The following MED23 variants were observed in gnomAD, a reference collection of about 807,000 sequenced individuals.
The protein encoded by MED23 is mediator complex subunit 23.
Under a neutral mutation model 163.9 loss-of-function variants are expected in MED23, and 105 were observed. The ratio of observed to expected loss-of-function variants is 0.64; its 90% CI spans 0.55 to 0.75. The LOEUF (loss-of-function observed/expected upper bound fraction) is 0.75. Among genes scored for constraint, MED23 ranks in the 30% least tolerant of loss-of-function variants. MED23 has a pLI of 0.00. For missense variants in MED23, 1,054 were observed against 1,649.0 expected, an observed-to-expected ratio of 0.64 and a Z score of 6.25; for synonymous variants, 561 against 565.6, an observed-to-expected ratio of 0.99 and a Z score of 0.12.
In MED23 at chr6:131,591,474, G is replaced by A; in HGVS notation, c.3525C>T (p.Pro1175=). Reference sequence around the variant, plus strand: ...CCCACTCTGTTTCAGACGTCAAGCTGGGGCTGCTGATGACACTCACAATTC... The same window carrying A: ...CCCACTCTGTTTCAGACGTCAAGCTAGGGCTGCTGATGACACTCACAATTC... ...HDRIVSVISS[P]SLTSETEWVG... Residue 1175 remains proline (P), a synonymous_variant, in exon 26 of 29, where the codon CCC becomes CCT. Coordinates refer to ENST00000368068, the MANE Select transcript of MED23 (RefSeq NM_004830.4). 2 of 1,613,894 alleles carry A rather than the reference G, an allele frequency of 1.2e-6. No individual in the cohort carries two copies. The highest frequency in any genetic ancestry group is 1.7e-6 in the Non-Finnish European group (2 of 1,179,840).
chr6:131,574,299 CA>C, intron 30 of MED23: 1 of 1,613,902 alleles, frequency 6.2e-7, no homozygotes, highest in South Asian at 1.1e-5. Flanking sequence ...CTTTTTACTG[CA>C]AAACAAATTG....
intron 30 of MED23, chr6:131,574,312 GAGAGGCC>G: frequency 1.2e-6 from 2 of 1,613,868 alleles, no homozygotes; most frequent in Non-Finnish European, 8.5e-7. Flanking sequence ...AACAAATTGA[GAGAGGCC>G]AGAGGTTAGA....
At chr6:131,607,137 T>A (rs1267144715) in intron 12 of MED23, among the ~76,000 whole-genome samples, 1 of 151,720 alleles carries the variant, frequency 6.6e-6, no homozygotes, top group African/African-American at 2.4e-5. Context: ...TTGTCCAACA[T>A]TAACAAAAAA....
At chr6:131,574,033 G>A in exon 31 of MED23, 1 of 525,416 alleles carries the variant, frequency 1.9e-6, no homozygotes, top group Non-Finnish European at 3.4e-6. Context: ...CACGAGCTGT[G>A]AATCCACACA....
intron 10 of MED23, among the ~76,000 whole-genome samples, chr6:131,610,936 A>AGG (rs1286152810): frequency 6.6e-6 from 1 of 152,210 alleles, no homozygotes; most frequent in Non-Finnish European, 1.5e-5. Flanking sequence ...AACAAGAAAA[A>AGG]GAATTGAGTT....
downstream of MED23, among the ~76,000 whole-genome samples, chr6:131,584,883 C>T (rs1585433589): frequency 6.6e-6 from 1 of 151,130 alleles, no homozygotes; most frequent in East Asian, 1.9e-4. Flanking sequence ...TCTGTAGTCC[C>T]AGCTACTCAG....
chr6:131,590,449 T>C lies in MED23; in HGVS notation c.3687-7A>G. On this transcript the variant is annotated splice_region_variant and splice_polypyrimidine_tract_variant and intron_variant, in intron 26 of 28. Coordinates refer to ENST00000368068, the MANE Select transcript of MED23 (RefSeq NM_004830.4). Reference sequence around the variant, plus strand: ...AAGTACTTCAGTAAGAAACCTAAAATTTGAAGATAAAAATCTCCTGTGACT... The same window carrying C: ...AAGTACTTCAGTAAGAAACCTAAAACTTGAAGATAAAAATCTCCTGTGACT... The C allele has an allele frequency of 1.3e-6, 2 of 1,598,788 alleles. No homozygotes were observed. The highest frequency in any genetic ancestry group is 1.7e-6 in the Non-Finnish European group (2 of 1,167,128).
downstream of MED23, chr6:131,582,790 C>G: frequency 1.6e-6 from 2 of 1,249,182 alleles, no homozygotes; most frequent in Non-Finnish European, 2.4e-6. Flanking sequence ...CTGACCAACT[C>G]TATGAGAGAA....
chr6:131,599,045 A>G (rs1485064659), intron 18 of MED23, among the ~76,000 whole-genome samples: 1 of 152,140 alleles, frequency 6.6e-6, no homozygotes. Flanking sequence ...TCTTAAAAAG[A>G]AAAAAAAGAA....
downstream of MED23, among the ~76,000 whole-genome samples, chr6:131,584,801 C>G (rs1405978311): frequency 7.1e-6 from 1 of 140,710 alleles, no homozygotes; most frequent in Admixed American, 7.3e-5. Context: ...GGTGAAACCC[C>G]ATCACTACAA....
intron 15 of MED23, 120 bp from the exon 16 acceptor site, chr6:131,603,324 C>A: frequency 1.1e-6 from 1 of 916,542 alleles, no homozygotes; most frequent in African/African-American, 1.6e-5. Context: ...CACGCCCACA[C>A]ACATATATAT....
chr6:131,593,974 G>C, intron 23 of MED23, 125 bp downstream of exon 23: 5 of 739,666 alleles, frequency 6.8e-6, no homozygotes, highest in Non-Finnish European at 1.1e-5. Flanking sequence ...GATGAAAATG[G>C]AAGTGATCTT....
intron 17 of MED23, 59 bp downstream of exon 17, chr6:131,602,159 T>G: frequency 6.5e-6 from 10 of 1,544,052 alleles, no homozygotes; most frequent in Non-Finnish European, 9.0e-6. Context: ...TAGTAATTAG[T>G]AGAATCATGG....
intron 5 of MED23, among the ~76,000 whole-genome samples, chr6:131,622,858 T>G (rs1028437984): frequency 2.0e-5 from 3 of 152,176 alleles, no homozygotes; most frequent in African/African-American, 7.2e-5. Context: ...CAGAATGGCT[T>G]TTGTAGCTAT....
intron 28 of MED23, 149 bp downstream of exon 28, chr6:131,589,316 C>T (rs1184370247): frequency 3.0e-6 from 2 of 659,474 alleles, no homozygotes; most frequent in Non-Finnish European, 5.3e-6. Context: ...GCCTCTGATG[C>T]CTAAAAAGGT....
intron 23 of MED23, 90 bp from the exon 24 acceptor site, chr6:131,593,261 G>T (rs1036247604): frequency 4.4e-5 from 66 of 1,505,714 alleles, no homozygotes; most frequent in Non-Finnish European, 5.9e-5. Context: ...ATTTGTCTAC[G>T]CTTAGAGAGA....
At chr6:131,600,265 T>C in intron 17 of MED23, 103 bp from the exon 18 acceptor site, 1 of 1,162,996 alleles carries the variant, frequency 8.6e-7, no homozygotes. Flanking sequence ...AGAATTTCAC[T>C]GCAGTGCATT....
In MED23 at chr6:131,628,178, C is replaced by G. The variant is rs1455917215; in HGVS notation, c.-129G>C. Reference sequence around the variant, plus strand: ...GTAGCTCCTCGGCGTCGCTTCCTCCCCCAGCGCTTTACCTGGAGCGTTCCC... The same window carrying G: ...GTAGCTCCTCGGCGTCGCTTCCTCCGCCAGCGCTTTACCTGGAGCGTTCCC... On this transcript the variant is annotated 5_prime_UTR_variant, in exon 1 of 29. Transcript: ENST00000368068. 1.6e-5 allele frequency: 17 copies of G among 1,085,376 alleles called. No individual in the cohort carries two copies. The highest frequency in any genetic ancestry group is 1.1e-4 in the South Asian group (9 of 79,114). 67.2% of individuals were successfully genotyped at this position (1,085,376 alleles called of 1,614,324 possible).
chr6:131,619,647 C>T (rs1303430376), intron 8 of MED23, among the ~76,000 whole-genome samples, 180 bp downstream of exon 8: 3 of 151,996 alleles, frequency 2.0e-5, no homozygotes, highest in Non-Finnish European at 4.4e-5. Context: ...CTTTTTCCTC[C>T]CTGTACTTGG....
Sources: gnomAD v4.1 joint callset for allele counts (sites outside exome capture counted in the v4.1 genomes callset) on GRCh38, gnomAD v4.1.1 for gene constraint, MANE v1.5 for transcripts, NCBI Gene and HGNC (gene_info 2026-07-23, HGNC 2026-07-21) for gene names.